GPHN: variants seen among roughly 807,000 people sequenced by gnomAD.
The protein encoded by GPHN is gephyrin.
A neutral mutation model predicts 95.5 loss-of-function variants in GPHN; 17 were observed. The ratio of observed to expected loss-of-function variants is 0.18; its 90% CI spans 0.12 to 0.27. The LOEUF is 0.27. GPHN is among the 10% of genes least tolerant of loss of function. GPHN has a pLI of 1.00. For synonymous variants in GPHN, 320 were observed against 322.5 expected (o/e 0.99, Z 0.08); for missense variants, 660 against 978.1 (o/e 0.67, Z 4.34).
chr14:67,246,631 G>A, the GPHN span, among the ~76,000 whole-genome samples: 1 of 149,566 alleles, frequency 6.7e-6, no homozygotes. Flanking sequence ...GTTAGCCACT[G>A]AGCCTGGCCT....
chr14:66,512,003 A>G (rs974867430), intron 1 of GPHN, among the ~76,000 whole-genome samples: 24 of 151,944 alleles, frequency 1.6e-4, no homozygotes, highest in African/African-American at 5.8e-4. Context: ...GTGTTTGGTG[A>G]CCTAAGGTCT....
chr14:66,932,647 C>T (rs1021145021), intron 8 of GPHN, among the ~76,000 whole-genome samples: 9 of 150,382 alleles, frequency 6.0e-5, no homozygotes, highest in Non-Finnish European at 1.3e-4. Flanking sequence ...GAAGTCTCTC[C>T]CTATGGCCAT....
chr14:67,394,153 C>A, the GPHN span, among the ~76,000 whole-genome samples: 2 of 152,160 alleles, frequency 1.3e-5, no homozygotes, highest in Non-Finnish European at 2.9e-5. Context: ...CTTTTCTTCT[C>A]CTTATCTAAA....
At chr14:67,116,295 A>AAAAG (rs544936079) in intron 16 of GPHN, among the ~76,000 whole-genome samples, 37 of 151,958 alleles carry the variant, frequency 2.4e-4, no homozygotes, top group African/African-American at 2.9e-4. Flanking sequence ...AAAGAAAAGA[A>AAAAG]AAAGAAAGAA....
chr14:66,652,483 C>A (rs1347894975), intron 1 of GPHN, among the ~76,000 whole-genome samples: 4 of 151,190 alleles, frequency 2.6e-5, no homozygotes, highest in African/African-American at 9.8e-5. Flanking sequence ...TTCTGTGACA[C>A]AAAGAAACAT....
chr14:66,590,952 T>C (rs988019943), intron 1 of GPHN, among the ~76,000 whole-genome samples: 9 of 152,170 alleles, frequency 5.9e-5, no homozygotes, highest in Non-Finnish European at 1.2e-4. Context: ...AAAAATCTTA[T>C]CCACCATAAT....
intron 19 of GPHN, among the ~76,000 whole-genome samples, chr14:67,164,739 C>T (rs1027640191): frequency 4.6e-5 from 7 of 151,746 alleles, no homozygotes; most frequent in African/African-American, 2.4e-5. Flanking sequence ...TGATCCACCC[C>T]CCTCAGCCTC....
the GPHN span, among the ~76,000 whole-genome samples, chr14:67,344,191 T>C: frequency 6.6e-6 from 1 of 152,244 alleles, no homozygotes; most frequent in Non-Finnish European, 1.5e-5. Flanking sequence ...GTGACCTCTG[T>C]ATTGTACTCG....
At chr14:66,906,852 A>G (rs1237970139) in intron 5 of GPHN, among the ~76,000 whole-genome samples, 3 of 152,152 alleles carry the variant, frequency 2.0e-5, no homozygotes, top group Non-Finnish European at 2.9e-5. Flanking sequence ...TATAATTTCA[A>G]TTCTTTTAAA....
At chr14:66,759,056 A>C (rs1475784706) in intron 2 of GPHN, among the ~76,000 whole-genome samples, 1 of 152,204 alleles carries the variant, frequency 6.6e-6, no homozygotes, top group Non-Finnish European at 1.5e-5. Flanking sequence ...ACTTGGCTTG[A>C]ATATTTGCAT....
intron 10 of GPHN, among the ~76,000 whole-genome samples, chr14:67,045,140 C>T (rs1286784692): frequency 6.6e-6 from 1 of 152,186 alleles, no homozygotes; most frequent in Non-Finnish European, 1.5e-5. Flanking sequence ...CACTGTTCAC[C>T]TAGGATTCTG....
chr14:67,693,908 C>T, the GPHN span, among the ~76,000 whole-genome samples: 1 of 152,166 alleles, frequency 6.6e-6, no homozygotes, highest in African/African-American at 2.4e-5. Flanking sequence ...ACCTCAGCCT[C>T]CCAAAGTGCT....
At chr14:66,641,539 A>G (rs1244474481) in intron 1 of GPHN, among the ~76,000 whole-genome samples, 2 of 152,130 alleles carry the variant, frequency 1.3e-5, no homozygotes, top group Non-Finnish European at 1.5e-5. Context: ...GATAGTATAT[A>G]TAAAGCAAAA....
chr14:67,718,766 G>C, the GPHN span, among the ~76,000 whole-genome samples: 1 of 152,132 alleles, frequency 6.6e-6, no homozygotes, highest in Admixed American at 6.5e-5. Context: ...TGGCTTTTTT[G>C]ATGTTGATTA....
At chr14:67,331,185 C>T in the GPHN span, among the ~76,000 whole-genome samples, 1 of 152,058 alleles carries the variant, frequency 6.6e-6, no homozygotes, top group African/African-American at 2.4e-5. Context: ...GCTGGGATTA[C>T]AGATGTGCAC....
chr14:66,636,213 T>G (rs2064087023), intron 1 of GPHN, among the ~76,000 whole-genome samples: 1 of 152,150 alleles, frequency 6.6e-6, no homozygotes, highest in Non-Finnish European at 1.5e-5. Context: ...ATAAATCATA[T>G]AAACAGGTGA....
chr14:67,536,574 C>T, the GPHN span, among the ~76,000 whole-genome samples: 1 of 151,784 alleles, frequency 6.6e-6, no homozygotes, highest in Non-Finnish European at 1.5e-5. Context: ...TATTTTGAGG[C>T]CTGTGGTGAC....
chr14:66,730,653 A>G (rs890955511), intron 2 of GPHN, among the ~76,000 whole-genome samples: 1 of 152,182 alleles, frequency 6.6e-6, no homozygotes, highest in Non-Finnish European at 1.5e-5. Context: ...GATCTGTGGA[A>G]TTATGTATTT....
At chr14:66,610,254 A>G (rs569065165) in intron 1 of GPHN, among the ~76,000 whole-genome samples, 8 of 152,228 alleles carry the variant, frequency 5.3e-5, no homozygotes, top group Non-Finnish European at 1.2e-4. Flanking sequence ...GCTTAAGTAT[A>G]ATGGCCGATA....
Sources: allele counts gnomAD v4.1 joint callset (sites outside exome capture counted in the v4.1 genomes callset), GRCh38; gene constraint gnomAD v4.1.1; transcripts MANE v1.5; gene names NCBI Gene and HGNC (gene_info 2026-07-23, HGNC 2026-07-21).